The following ZDHHC7 variants were observed in gnomAD, a reference collection of about 807,000 sequenced individuals.
ZDHHC7 encodes palmitoyltransferase ZDHHC7.
In ZDHHC7, 12 loss-of-function variants were observed where a neutral mutation model predicts 34.1. The ratio of observed to expected loss-of-function variants is 0.35; its 90% CI spans 0.23 to 0.57. ZDHHC7 has a LOEUF of 0.57. ZDHHC7 is among the 20% of genes least tolerant of loss of function. ZDHHC7 has a pLI of 0.84. For synonymous variants in ZDHHC7, 185 were observed against 155.4 expected, an observed-to-expected ratio of 1.19 and a Z score of -1.42; for missense variants, 388 against 402.7, an observed-to-expected ratio of 0.96 and a Z score of 0.31.
intron 1 of ZDHHC7, among the ~76,000 whole-genome samples, chr16:85,007,093 T>C (rs1029636763): frequency 6.6e-6 from 1 of 152,022 alleles, no homozygotes; most frequent in South Asian, 2.1e-4. Flanking sequence ...TGGGTTTGAT[T>C]AGAGGATTAA....
the ZDHHC7 span, among the ~76,000 whole-genome samples, chr16:85,019,699 C>A: frequency 6.6e-6 from 1 of 152,208 alleles, no homozygotes; most frequent in Non-Finnish European, 1.5e-5. Context: ...GCCTGGGTGA[C>A]AGAGCAAGAC....
the ZDHHC7 span, among the ~76,000 whole-genome samples, chr16:85,024,031 C>T: frequency 6.6e-6 from 1 of 152,232 alleles, no homozygotes; most frequent in African/African-American, 2.4e-5. Flanking sequence ...AATTCTCCAG[C>T]CTCAGATTCC....
chr16:84,993,875 T>C (rs1234789535), intron 2 of ZDHHC7, among the ~76,000 whole-genome samples: 1 of 152,132 alleles, frequency 6.6e-6, no homozygotes, highest in African/African-American at 2.4e-5. Context: ...TTTTCTCTCT[T>C]CTAGGCAAGC....
chr16:84,990,725 T>C (rs2072499210), intron 2 of ZDHHC7, 90 bp from the exon 3 acceptor site: 2 of 1,068,496 alleles, frequency 1.9e-6, no homozygotes, highest in Admixed American at 5.3e-5. Flanking sequence ...CCTTGGCCAT[T>C]TCATGAAGTT....
At position 84,977,158 on chromosome 16, in the gene ZDHHC7, C is replaced by T. The variant is rs766610601; in HGVS notation, c.687G>A (p.Leu229=). Reference sequence around the variant, plus strand: ...ACATAACTGCAGTGAAAGTGAAAAACAGAAGACCCTCAAGGCACAGGAAGA... The same window carrying T: ...ACATAACTGCAGTGAAAGTGAAAAATAGAAGACCCTCAAGGCACAGGAAGA... ...LLIFLCLEGL[L]FFTFTAVMFG... is the part of the protein sequence containing the mutation. The change falls in exon 7 of 8, where the codon CTG becomes CTA. Residue 229 remains leucine (L), a synonymous_variant. Coordinates refer to ENST00000313732, the MANE Select transcript of ZDHHC7 (RefSeq NM_017740.3). 3.1e-6 allele frequency: 5 copies of T among 1,614,200 alleles called. No homozygotes were observed. Among genetic ancestry groups the T allele is most frequent in the Non-Finnish European group, 1.7e-6 (2 of 1,180,042 alleles).
chr16:84,993,953 G>T (rs1405393851), intron 2 of ZDHHC7, among the ~76,000 whole-genome samples: 1 of 152,196 alleles, frequency 6.6e-6, no homozygotes, highest in Non-Finnish European at 1.5e-5. Context: ...CATCAGATGT[G>T]ACTATCCGGA....
intron 3 of ZDHHC7, among the ~76,000 whole-genome samples, chr16:84,988,537 C>T (rs2072466921): frequency 6.6e-6 from 1 of 152,222 alleles, no homozygotes; most frequent in Non-Finnish European, 1.5e-5. Context: ...GCACGCCCTG[C>T]ACACACCTTC....
At chr16:85,005,628 A>G (rs11640790) in intron 1 of ZDHHC7, among the ~76,000 whole-genome samples, 6,083 of 152,346 alleles carry the variant, frequency 0.04, 158 homozygotes, top group Non-Finnish European at 0.059. Flanking sequence ...AAGAAAGTGC[A>G]TTCTGTAATG....
chr16:84,982,897 C>T lies in ZDHHC7; in HGVS notation c.316-903G>A, dbSNP rs138110709. On this transcript the variant is annotated intron_variant, in intron 3 of 7. Transcript: ENST00000313732. ...AGGGGCAGAGCTGAAGGCCAAGAGT[C>T]ACCCTACCAGCACCATGTCAACTGA... Among the ~76,000 whole-genome samples, 473 of 152,350 alleles carry T rather than the reference C, an allele frequency of 3.1e-3. 2 individuals are homozygous for T. Among genetic ancestry groups the T allele is most frequent in the African/African-American group, 0.011 (447 of 41,588 alleles).
intron 2 of ZDHHC7, among the ~76,000 whole-genome samples, chr16:84,994,657 T>C (rs531549355): frequency 1.1e-3 from 170 of 152,240 alleles, no homozygotes; most frequent in African/African-American, 2.9e-3. Flanking sequence ...GGGGTGCGGA[T>C]GGCAGGCACA....
intron 3 of ZDHHC7, 135 bp downstream of exon 3, chr16:84,990,169 G>A: frequency 9.5e-7 from 1 of 1,051,020 alleles, no homozygotes; most frequent in Non-Finnish European, 1.4e-6. Context: ...CTCCCAAAAT[G>A]AGCTCAATCC....
chr16:84,977,119 G>A lies in ZDHHC7; in HGVS notation c.726C>T (p.Ile242=), dbSNP rs769339090. 1.9e-6 allele frequency: 3 copies of A among 1,614,236 alleles called. No individual in the cohort carries two copies. The highest frequency in any genetic ancestry group is 2.5e-6 in the Non-Finnish European group (3 of 1,180,044). The change falls in exon 7 of 8, where the codon ATC becomes ATT. Residue 242 remains isoleucine (I), a synonymous_variant. Transcript: ENST00000313732. ...TFTAVMFGTQ[I]HSICNDETEI... ...CCGTCTCGTCGTTGCATATGGAGTG[G>A]ATTTGGGTGCCAAACATAACTGCAG... is the stretch of plus-strand genomic sequence containing the variant.
intron 4 of ZDHHC7, 60 bp downstream of exon 4, chr16:84,981,810 C>T (rs1339883146): frequency 6.2e-7 from 1 of 1,611,664 alleles, no homozygotes; most frequent in South Asian, 1.1e-5. Context: ...TGGTTTAATA[C>T]AGCAGCACAC....
At chr16:84,977,031 G>C (rs910427580) in intron 7 of ZDHHC7, 64 bp downstream of exon 7, 3 of 1,598,536 alleles carry the variant, frequency 1.9e-6, no homozygotes, top group Middle Eastern at 1.9e-4. Context: ...GTTGACATTA[G>C]GACTTTTCAT....
rs758931655 is a variant in ZDHHC7 at position 84,990,577 on chromosome 16, A to T, written c.42T>A (p.His14Gln). ...AGTTGTCATTTTCAGCCAGGAGAGG[A>T]TGATGCTCGACGTCCCGGAGCCTGT... is the stretch of plus-strand genomic sequence containing the variant. ...SGHRLRDVEH[H>Q]PLLAENDNYD... The change falls in exon 3 of 8, where the codon CAT becomes CAA. Residue 14 changes from histidine to glutamine, a missense_variant. His to Gln is a conservative substitution (Grantham distance 24). Transcript: ENST00000313732. 3 of 1,614,038 alleles carry T rather than the reference A, an allele frequency of 1.9e-6. No individual in the cohort carries two copies. In the South Asian group the frequency reaches 3.3e-5, roughly 18 times the overall value.
intron 4 of ZDHHC7, 122 bp downstream of exon 4, chr16:84,981,748 C>G (rs1386611536): frequency 3.2e-6 from 5 of 1,565,820 alleles, no homozygotes; most frequent in Non-Finnish European, 4.3e-6. Flanking sequence ...CCCGCCCGTA[C>G]AACGTTGCCC....
chr16:84,974,396 G>A lies in ZDHHC7; in HGVS notation c.*1947C>T, dbSNP rs1362240367. ...CTTAACAGCCTGGGGCTGGGCCCAC[G>A]AAGCACGGAAAGGCACCCCCTGAAA... On this transcript the variant is annotated 3_prime_UTR_variant, in exon 8 of 8. Coordinates refer to ENST00000313732, the MANE Select transcript of ZDHHC7 (RefSeq NM_017740.3). The A allele has an allele frequency of 2.6e-5, 4 of 152,164 alleles. No homozygotes were observed. The highest frequency in any genetic ancestry group is 7.2e-5 in the African/African-American group (3 of 41,428). 9.4% of individuals were successfully genotyped at this position (152,164 alleles called of 1,614,324 possible).
Position 85,011,493 on chromosome 16 carries a change from C to G in ZDHHC7, c.-311G>C, listed in dbSNP as rs910075859. 1.3e-5 allele frequency: 2 copies of G among 152,254 alleles called. No homozygotes were observed. The highest frequency in any genetic ancestry group is 1.3e-4 in the Admixed American group (2 of 15,280). The allele number at this position is 152,254 out of a possible 1,614,324, so 9.4% of individuals were successfully genotyped here. Reference sequence around the variant, plus strand: ...CTGCAGCCAAGCAAATGCCTCAGCCCGGAGCCTTGGCTGGAGAGCGGGGCG... The same window carrying G: ...CTGCAGCCAAGCAAATGCCTCAGCCGGGAGCCTTGGCTGGAGAGCGGGGCG... On this transcript the variant is annotated 5_prime_UTR_variant, in exon 1 of 8. Transcript: ENST00000313732.
intron 3 of ZDHHC7, among the ~76,000 whole-genome samples, chr16:84,989,026 G>A (rs972515743): frequency 2.6e-5 from 4 of 152,224 alleles, no homozygotes; most frequent in Non-Finnish European, 4.4e-5. Flanking sequence ...CAGGGATCAG[G>A]AGCAGGGTCT....
Sources: gnomAD v4.1 joint callset for allele counts (sites outside exome capture counted in the v4.1 genomes callset) on GRCh38, gnomAD v4.1.1 for gene constraint, MANE v1.5 for transcripts, NCBI Gene and HGNC (gene_info 2026-07-23, HGNC 2026-07-21) for gene names.